FRAS1: variants seen among roughly 807,000 people sequenced by gnomAD.
FRAS1 encodes Fraser extracellular matrix complex subunit 1.
Under a neutral mutation model 435.2 loss-of-function variants are expected in FRAS1, and 290 were observed. The observed-to-expected ratio is 0.67, with a 90% CI of 0.61 to 0.73. The LOEUF (loss-of-function observed/expected upper bound fraction) is 0.73. Ranked by LOEUF, FRAS1 falls within the 30% of genes least tolerant of loss-of-function variation. FRAS1 has a pLI of 0.00. For synonymous variants in FRAS1, 1,800 were observed against 1,851.0 expected (o/e 0.97, Z 0.71); for missense variants, 4,860 against 5,001.5 (o/e 0.97, Z 0.85).
chr4:78,291,309 C>T (rs982499052), intron 14 of FRAS1, among the ~76,000 whole-genome samples: 10 of 152,180 alleles, frequency 6.6e-5, no homozygotes, highest in Non-Finnish European at 1.3e-4. Context: ...CGGGATGAAA[C>T]TGTTCCAGCT....
At chr4:78,315,361 A>G (rs574333710) in intron 15 of FRAS1, among the ~76,000 whole-genome samples, 4 of 152,306 alleles carry the variant, frequency 2.6e-5, no homozygotes, top group South Asian at 4.1e-4. Context: ...GGTGTGCCTG[A>G]GAGTTTTTGC....
intron 2 of FRAS1, among the ~76,000 whole-genome samples, chr4:78,068,998 G>T (rs1740198056): frequency 6.6e-6 from 1 of 152,222 alleles, no homozygotes; most frequent in African/African-American, 2.4e-5. Context: ...AAGGGTTCAA[G>T]AACATTACTA....
At chr4:78,482,624 C>T (rs1720047991) in intron 58 of FRAS1, 89 bp downstream of exon 58, 2 of 1,356,242 alleles carry the variant, frequency 1.5e-6, no homozygotes, top group Non-Finnish European at 1.0e-6. Context: ...AACTCATTCA[C>T]ATTTTCATTC....
At chr4:78,444,418 A>G (rs1448641969) in intron 41 of FRAS1, among the ~76,000 whole-genome samples, 1 of 152,192 alleles carries the variant, frequency 6.6e-6, no homozygotes, top group Non-Finnish European at 1.5e-5. Context: ...TCTTCTTTCA[A>G]ATGAATTCTA....
At chr4:78,425,100 G>GATAATAATA (rs35385181) in intron 35 of FRAS1, among the ~76,000 whole-genome samples, 70 of 141,942 alleles carry the variant, frequency 4.9e-4, no homozygotes, top group African/African-American at 1.3e-3. Context: ...CTTAAATGGG[G>GATAATAATA]ATAATAATAA....
In FRAS1 at chr4:78,430,437, C is replaced by T; in HGVS notation, c.4969+20C>T. Reference sequence around the variant, plus strand: ...CCACAGGTAGCTACACACCTACACACTCTGTCACTGACCTGCTTGGAGGAT... The same window carrying T: ...CCACAGGTAGCTACACACCTACACATTCTGTCACTGACCTGCTTGGAGGAT... On this transcript the variant is annotated intron_variant, in intron 37 of 73. Transcript: ENST00000512123. 6.2e-7 allele frequency: 1 copy of T among 1,604,164 alleles called. No individual in the cohort carries two copies. Among genetic ancestry groups the T allele is most frequent in the Non-Finnish European group, 8.5e-7 (1 of 1,174,184 alleles).
rs1731486388 is a variant in FRAS1, at chr4:78,371,085, T to TTTTTC, written c.2869+1105_2869+1106insCTTTT. 2.0e-5 allele frequency among the ~76,000 whole-genome samples: 3 copies of TTTTTC among 146,504 alleles called. No individual in the cohort carries two copies. In the South Asian group the frequency reaches 6.4e-4, roughly 31 times the overall value. On this transcript the variant is annotated intron_variant, in intron 23 of 73. Coordinates refer to ENST00000512123, the MANE Select transcript of FRAS1 (RefSeq NM_025074.7). ...CGAGACCACAGAATTTTTTTTCTGT[T>TTTTTC]TTTTTGTTTTTTTTTTTTTTTGCCT...
intron 20 of FRAS1, among the ~76,000 whole-genome samples, chr4:78,340,626 T>A (rs1273938586): frequency 1.3e-5 from 2 of 152,210 alleles, no homozygotes; most frequent in Non-Finnish European, 2.9e-5. Flanking sequence ...ATGAAAGTGT[T>A]AGTTTGCTAG....
Position 78,511,126 on chromosome 4 carries a change from T to C in FRAS1, c.9781-148T>C, listed in dbSNP as rs555545400. 8 of 695,512 alleles carry C rather than the reference T, an allele frequency of 1.2e-5. No homozygotes were observed. The East Asian group carries it at 2.2e-4, about 19-fold the overall frequency. 43.1% of individuals were successfully genotyped at this position (695,512 alleles called of 1,614,324 possible). ...CAAGTGTCTGGTTCATAGTTAAAAG[T>C]CAATAATTACGTGATGAATGAATGA... On this transcript the variant is annotated intron_variant, in intron 63 of 73. Coordinates refer to ENST00000512123, the MANE Select transcript of FRAS1 (RefSeq NM_025074.7).
intron 2 of FRAS1, among the ~76,000 whole-genome samples, chr4:78,225,798 T>C (rs1431084277): frequency 6.6e-6 from 1 of 152,234 alleles, no homozygotes; most frequent in Admixed American, 6.5e-5. Flanking sequence ...AGACATTCAG[T>C]TCATACTTGA....
chr4:78,315,793 C>G, intron 16 of FRAS1, 59 bp downstream of exon 16: 1 of 1,585,604 alleles, frequency 6.3e-7, no homozygotes, highest in Non-Finnish European at 8.6e-7. Context: ...TTTGACTATA[C>G]TTGGTGTTAT....
chr4:78,540,500 A>G (rs775541849), intron 73 of FRAS1, 31 bp from the exon 74 acceptor site: 3 of 1,426,412 alleles, frequency 2.1e-6, no homozygotes, highest in Non-Finnish European at 2.8e-6. Context: ...TCTGTGGGCA[A>G]CAACAACATG....
rs1478833261 is a variant in FRAS1 at position 78,308,186 on chromosome 4, A to C, written c.1655A>C (p.Tyr552Ser). 1 of 1,613,948 alleles carries C rather than the reference A, an allele frequency of 6.2e-7. No homozygotes were observed. The highest frequency in any genetic ancestry group is 1.7e-5 in the Admixed American group (1 of 60,020). The change falls in exon 15 of 74, where the codon TAC becomes TCC. Residue 552 changes from tyrosine to serine, a missense_variant. By Grantham distance (144) the Tyr-to-Ser change is moderately radical. Coordinates refer to ENST00000512123, the MANE Select transcript of FRAS1 (RefSeq NM_025074.7). The stretch of plus-strand genomic sequence containing the variant: ...GAGAGCAGCTGTGGAAAAGGCTTCT[A>C]CAACAGGCAGGGCACCTGTAGCGGT... ...GCESSCGKGF[Y>S]NRQGTCSACD... is the part of the protein sequence containing the mutation.
At chr4:78,076,342 A>G (rs1264679869) in intron 2 of FRAS1, among the ~76,000 whole-genome samples, 5 of 152,180 alleles carry the variant, frequency 3.3e-5, no homozygotes, top group Admixed American at 2.0e-4. Context: ...GATGTTCATA[A>G]TGATCCTCCC....
At chr4:78,267,562 C>T (rs1308029676) in intron 9 of FRAS1, 130 bp downstream of exon 9, 2 of 792,522 alleles carry the variant, frequency 2.5e-6, no homozygotes, top group Non-Finnish European at 4.0e-6. Flanking sequence ...CTTCATAGGA[C>T]CTTCTAGTGT....
intron 12 of FRAS1, 110 bp from the exon 13 acceptor site, chr4:78,284,295 C>G: frequency 2.0e-5 from 9 of 454,706 alleles, no homozygotes; most frequent in East Asian, 1.1e-4. Context: ...GTTTTCTGTT[C>G]TTCATGTTCT....
intron 9 of FRAS1, among the ~76,000 whole-genome samples, chr4:78,276,399 T>A (rs1331441002): frequency 6.6e-6 from 1 of 152,234 alleles, no homozygotes; most frequent in Non-Finnish European, 1.5e-5. Flanking sequence ...CTCTGATTTT[T>A]AAAATTTTCA....
At chr4:78,300,940 C>A (rs1015989928) in intron 14 of FRAS1, among the ~76,000 whole-genome samples, 4 of 152,194 alleles carry the variant, frequency 2.6e-5, no homozygotes, top group Non-Finnish European at 5.9e-5. Flanking sequence ...ACCACTGTTA[C>A]TCTTTATTGC....
Position 78,161,742 on chromosome 4 carries a change from C to CAAAAAA in FRAS1, c.109-75743_109-75738dup, listed in dbSNP as rs71214399. Among the ~76,000 whole-genome samples the CAAAAAA allele has an allele frequency of 6.3e-3, 156 of 24,918 alleles. 5 individuals are homozygous for CAAAAAA. The highest frequency in any genetic ancestry group is 7.4e-3 in the African/African-American group (38 of 5,102). 16.3% of individuals were successfully genotyped at this position (24,918 alleles called of 152,430 possible). On this transcript the variant is annotated intron_variant, in intron 2 of 73. Transcript: ENST00000512123. ...GGGCAACAAGAGCAAAACTCTGTCT[C>CAAAAAA]AAAAAAAAAAAAAAAAAAAAAAAAA...
Sources: allele counts gnomAD v4.1 joint callset (sites outside exome capture counted in the v4.1 genomes callset), GRCh38; gene constraint gnomAD v4.1.1; transcripts MANE v1.5; gene names NCBI Gene and HGNC (gene_info 2026-07-23, HGNC 2026-07-21).